Variants in NEBL observed in about 807,000 individuals in gnomAD.
The protein encoded by NEBL is nebulette, also known as LIM and SH3 protein 2.
In NEBL, 122 loss-of-function variants were observed where a neutral mutation model predicts 140.2. The observed-to-expected ratio is 0.87, with a 90% confidence interval of 0.75 to 1.01. The LOEUF (loss-of-function observed/expected upper bound fraction) is 1.01, where lower values mean the gene tolerates loss of function less well. NEBL is among the 50% of genes least tolerant of loss of function. The pLI, the probability that NEBL is intolerant of heterozygous loss-of-function variation, is 0.00. For synonymous variants in NEBL, 436 were observed against 398.9 expected (o/e 1.09, Z -1.11); for missense variants, 1,365 against 1,231.3 (o/e 1.11, Z -1.62).
chr10:20,969,075 T>G (rs1836453071), intron 3 of NEBL, among the ~76,000 whole-genome samples: 2 of 152,226 alleles, frequency 1.3e-5, no homozygotes, highest in African/African-American at 4.8e-5. Context: ...TACTATCTAG[T>G]TTTGTACGTT....
At chr10:21,139,279 G>A (rs1839504186) in intron 2 of NEBL, among the ~76,000 whole-genome samples, 1 of 152,164 alleles carries the variant, frequency 6.6e-6, no homozygotes. Flanking sequence ...CTTTGGAGTT[G>A]TGGCCAAAGG....
intron 24 of NEBL, among the ~76,000 whole-genome samples, chr10:20,810,294 T>C (rs989526377): frequency 6.6e-6 from 1 of 152,182 alleles, no homozygotes; most frequent in Non-Finnish European, 1.5e-5. Flanking sequence ...TGTTTGATTA[T>C]AGTTTCTGAT....
In NEBL at chr10:20,888,166, A is replaced by G. The variant is rs747440079; in HGVS notation, c.300T>C (p.Ser100=). Residue 100 remains serine (S), a synonymous_variant, in exon 4 of 28, where the codon TCT becomes TCC. Coordinates refer to ENST00000377122, the MANE Select transcript of NEBL (RefSeq NM_006393.3). The part of the protein sequence containing the change: ...KGTIKADLSN[S]LYKRMPATID... Reference sequence around the variant, plus strand: ...TTGTGGCTGGCATCCGCTTATAAAGAGAATTAGAAAGGTCAGCTTTAATGG... The same window carrying G: ...TTGTGGCTGGCATCCGCTTATAAAGGGAATTAGAAAGGTCAGCTTTAATGG... 18 of 1,613,844 alleles carry G rather than the reference A, an allele frequency of 1.1e-5. No homozygotes were observed. Among genetic ancestry groups the G allele is most frequent in the Non-Finnish European group, 1.5e-5 (18 of 1,179,876 alleles).
At chr10:21,185,642 G>GCA (rs1841453517) in intron 3 of NEBL, among the ~76,000 whole-genome samples, 1 of 151,744 alleles carries the variant, frequency 6.6e-6, no homozygotes, top group African/African-American at 2.4e-5. Context: ...GGGATTACAG[G>GCA]CATGCCACCA....
At chr10:20,953,122 C>T (rs1418075) in intron 4 of NEBL, among the ~76,000 whole-genome samples, 12,962 of 152,030 alleles carry the variant, frequency 0.085, 608 homozygotes, top group Middle Eastern at 0.12. Flanking sequence ...GAACTGTGTA[C>T]CACCCCAAAA....
upstream of NEBL, among the ~76,000 whole-genome samples, chr10:21,179,661 A>T (rs1841357113): frequency 6.6e-6 from 1 of 152,112 alleles, no homozygotes; most frequent in South Asian, 2.1e-4. Flanking sequence ...AGGCATTTGC[A>T]TCTGTTGGTC....
At chr10:21,137,384 C>T (rs973378666) in intron 2 of NEBL, among the ~76,000 whole-genome samples, 1 of 152,200 alleles carries the variant, frequency 6.6e-6, no homozygotes, top group Non-Finnish European at 1.5e-5. Flanking sequence ...TCATTGTTAA[C>T]TGTTCGTATA....
At position 20,976,712 on chromosome 10, in the gene NEBL, T is replaced by C. The variant is rs1289265601; in HGVS notation, c.250-14933A>G. On this transcript the variant is annotated intron_variant, in intron 3 of 6. Coordinates refer to the NEBL transcript ENST00000417816. The stretch of plus-strand genomic sequence containing the variant: ...CATGTTCTCACTTATAAATAGGAGC[T>C]AAACATTGAGAACACCTGGACGCAA... 2.0e-5 allele frequency among the ~76,000 whole-genome samples: 3 copies of C among 152,074 alleles called. No individual in the cohort carries two copies. In the East Asian group the frequency reaches 5.8e-4, roughly 30 times the overall value.
At chr10:20,892,442 C>A (rs1055188298) in intron 2 of NEBL, among the ~76,000 whole-genome samples, 8 of 152,080 alleles carry the variant, frequency 5.3e-5, no homozygotes, top group Admixed American at 2.0e-4. Context: ...CTGATAACAC[C>A]CATAGTACCC....
chr10:20,837,256 G>C (rs1214105582), intron 13 of NEBL, among the ~76,000 whole-genome samples: 1 of 152,158 alleles, frequency 6.6e-6, no homozygotes, highest in Non-Finnish European at 1.5e-5. Context: ...AATTAACAGT[G>C]CTACCCCAGT....
At chr10:21,051,072 C>T (rs1325684993) in intron 2 of NEBL, among the ~76,000 whole-genome samples, 1 of 152,076 alleles carries the variant, frequency 6.6e-6, no homozygotes, top group South Asian at 2.1e-4. Context: ...CCCTGAAACC[C>T]AGCCAGGATG....
chr10:21,008,286 TG>T (rs1838211640), intron 3 of NEBL, among the ~76,000 whole-genome samples: 3 of 152,216 alleles, frequency 2.0e-5, no homozygotes, highest in Non-Finnish European at 4.4e-5. Flanking sequence ...CACAGTCAAC[TG>T]TGGGCTGAAA....
intron 2 of NEBL, among the ~76,000 whole-genome samples, chr10:21,088,668 G>T (rs541019023): frequency 1.4e-4 from 22 of 152,182 alleles, no homozygotes; most frequent in Non-Finnish European, 2.4e-4. Context: ...ACAGAGTGCA[G>T]GCATCAGATG....
upstream of NEBL, among the ~76,000 whole-genome samples, chr10:20,901,768 T>G (rs1407173236): frequency 1.3e-5 from 2 of 152,190 alleles, no homozygotes; most frequent in East Asian, 3.9e-4. Context: ...GATGACCGTC[T>G]TCCGGAAGGT....
Position 20,783,240 on chromosome 10 carries a change from TCTC to T in NEBL, c.*2504_*2506del, listed in dbSNP as rs1835147203. The T allele has an allele frequency of 1.3e-5, 2 of 152,288 alleles. No homozygotes were observed. The highest frequency in any genetic ancestry group is 2.9e-5 in the Non-Finnish European group (2 of 68,034). 9.4% of individuals were successfully genotyped at this position (152,288 alleles called of 1,614,324 possible). A position where few individuals can be genotyped will look rare whatever the true frequency, so the allele number is the denominator to read the frequency against. On this transcript the variant is annotated 3_prime_UTR_variant, in exon 28 of 28. Coordinates refer to ENST00000377122, the MANE Select transcript of NEBL (RefSeq NM_006393.3). ...TTTATACATATAATTTTCCAATATT[TCTC>T]CTGAGATGCTTAACATCCTGACAAG...
chr10:21,144,492 G>A (rs1301639617), intron 2 of NEBL, among the ~76,000 whole-genome samples: 2 of 152,166 alleles, frequency 1.3e-5, no homozygotes, highest in African/African-American at 4.8e-5. Context: ...TTGGGAGGCC[G>A]AGGTGGGGGA....
intron 1 of NEBL, among the ~76,000 whole-genome samples, chr10:21,258,542 T>C (rs1348274022): frequency 1.3e-5 from 2 of 151,544 alleles, no homozygotes. Flanking sequence ...CCATCTCTAC[T>C]AAAAATACAA....
At chr10:21,075,054 C>A (rs959974706) in intron 2 of NEBL, among the ~76,000 whole-genome samples, 15 of 152,122 alleles carry the variant, frequency 9.9e-5, no homozygotes, top group African/African-American at 3.6e-4. Context: ...GATCCACTTG[C>A]CTTGGCCTCC....
chr10:21,176,304 C>T (rs533618548), upstream of NEBL, among the ~76,000 whole-genome samples: 2 of 152,272 alleles, frequency 1.3e-5, no homozygotes, highest in East Asian at 3.9e-4. Flanking sequence ...CACCCAGATA[C>T]ATTTTATAAT....
Sources: allele counts gnomAD v4.1 joint callset (sites outside exome capture counted in the v4.1 genomes callset), GRCh38; gene constraint gnomAD v4.1.1; transcripts MANE v1.5; gene names NCBI Gene and HGNC (gene_info 2026-07-23, HGNC 2026-07-21).